CELSR1: variants seen among roughly 807,000 people sequenced by gnomAD.
CELSR1 encodes adhesion G protein-coupled receptor C1.
A neutral mutation model predicts 249.1 loss-of-function variants in CELSR1; 110 were observed. That is an observed-to-expected ratio of 0.44 (90% CI 0.38 to 0.52). CELSR1 has a LOEUF of 0.52. Ranked by LOEUF, CELSR1 falls within the 20% of genes least tolerant of loss-of-function variation. The probability of loss-of-function intolerance (pLI) is 0.00; values close to 1 mark genes in which losing one functional copy is unlikely to be tolerated. For missense variants in CELSR1, 4,109 were observed against 4,296.4 expected, an observed-to-expected ratio of 0.96 and a Z score of 1.22; for synonymous variants, 2,113 against 1,900.0, an observed-to-expected ratio of 1.11 and a Z score of -2.92.
chr22:46,383,061 G>A (rs73462581), intron 20 of CELSR1, among the ~76,000 whole-genome samples: 6,602 of 152,230 alleles, frequency 0.043, 486 homozygotes, highest in African/African-American at 0.15. Flanking sequence ...GGAGGTGTCT[G>A]GGTCATGGGT....
Position 46,369,698 on chromosome 22 carries a change from A to G in CELSR1, c.7866T>C (p.Val2622=). The change falls in exon 26 of 35, where the codon GTT becomes GTC. Residue 2622 remains valine (V), a synonymous_variant. Transcript: ENST00000674500. ...IWSFAGPIGA[V]IIINTVTSVL... ...GTGAAGGCCCCACACTCACGATTAT[A>G]ACAGCTCCGATGGGCCCCGCAAAGC... 6 of 1,613,348 alleles carry G rather than the reference A, an allele frequency of 3.7e-6. No homozygotes were observed. The highest frequency in any genetic ancestry group is 4.2e-6 in the Non-Finnish European group (5 of 1,179,864).
intron 24 of CELSR1, 27 bp from the exon 25 acceptor site, chr22:46,373,084 G>T: frequency 6.4e-7 from 1 of 1,557,526 alleles, no homozygotes. Context: ...CGCTCAGCAA[G>T]GGCCCCTGCA....
chr22:46,396,685 G>T lies in CELSR1; in HGVS notation c.5763C>A (p.Ala1921=). Residue 1921 remains alanine (A), a synonymous_variant, in exon 13 of 35, where the codon GCC becomes GCA. Transcript: ENST00000674500. The surrounding 1 kb of genome is among the most constrained non-coding windows in gnomAD (Gnocchi z 6.4). ...GCGGGGAGCCGGGGGAGCGCACGCA[G>T]GCCCCCATGTTCTCGCAGGGGTTCA... ...CHLNPCENMG[A]CVRSPGSPQG... The T allele has an allele frequency of 6.2e-7, 1 of 1,613,166 alleles. No individual in the cohort carries two copies. Among genetic ancestry groups the T allele is most frequent in the East Asian group, 2.2e-5 (1 of 44,830 alleles).
chr22:46,485,931 T>A, intron 1 of CELSR1, among the ~76,000 whole-genome samples: 1 of 8,492 alleles, frequency 1.2e-4, no homozygotes, highest in Non-Finnish European at 3.3e-4. Flanking sequence ...TTCAGGTACT[T>A]TTTTTTTTTT....
At chr22:46,477,803 G>A (rs2080224857) in intron 1 of CELSR1, among the ~76,000 whole-genome samples, 1 of 152,156 alleles carries the variant, frequency 6.6e-6, no homozygotes, top group Non-Finnish European at 1.5e-5. Context: ...ACGGCACCTG[G>A]CCAATGCTGT....
intron 14 of CELSR1, among the ~76,000 whole-genome samples, chr22:46,392,071 C>A (rs955765063): frequency 6.6e-6 from 1 of 152,258 alleles, no homozygotes; most frequent in Non-Finnish European, 1.5e-5. Flanking sequence ...CAAGTCTCAA[C>A]AGTGGGCACC....
At position 46,380,860 on chromosome 22, in the gene CELSR1, A is replaced by C; in HGVS notation, c.7184T>G (p.Leu2395Arg). Residue 2395 changes from leucine to arginine, a missense_variant, in exon 22 of 35, where the codon CTG becomes CGG. Physicochemically the swap from Leu to Arg is moderately radical, Grantham distance 102. Transcript: ENST00000674500. This position sits in a 1 kb window ranked among gnomAD's most constrained non-coding sequence, Gnocchi z 5.1. ...PLPRPLERPV[L>R]VEFALLEVEE... The stretch of plus-strand genomic sequence containing the variant: ...CACCTCCAGCAGGGCGAACTCCACC[A>C]GGACGGGCCTCTCCAGGGGTCTCGG... 1 of 1,612,790 alleles carries C rather than the reference A, an allele frequency of 6.2e-7. No homozygotes were observed. The highest frequency in any genetic ancestry group is 8.5e-7 in the Non-Finnish European group (1 of 1,179,884).
rs983425119 is a variant in CELSR1, at chr22:46,471,568, T to C, written c.3545-7223A>G. On this transcript the variant is annotated intron_variant, in intron 1 of 34. Transcript: ENST00000674500. The surrounding 1 kb of genome is among the most constrained non-coding windows in gnomAD (Gnocchi z 4.9). The stretch of plus-strand genomic sequence containing the variant: ...CCATGCCTGGCTGGGTTTTCTGTTC[T>C]TGTTTTTTGTAGAGGTGAGGCCGTG... Among the ~76,000 whole-genome samples the C allele has an allele frequency of 3.3e-5, 5 of 152,116 alleles. No individual in the cohort carries two copies. The highest frequency in any genetic ancestry group is 6.6e-5 in the Admixed American group (1 of 15,254).
rs1239523393 is a variant in CELSR1 at position 46,439,193 on chromosome 22, G to C, written c.4402C>G (p.Leu1468Val). The change falls in exon 3 of 35, where the codon CTC becomes GTC. Residue 1468 changes from leucine to valine, a missense_variant. This residue lies in a region of CELSR1 where 453 missense variants were observed against 492.0 expected (regional missense o/e 0.92). Transcript: ENST00000674500. The part of the protein sequence containing the change: ...LRQRFHFTIS[L>V]TFATQERNGL... ...CGCGGCGGGACGCACACTCACGTGA[G>C]GGAGATGGTGAAGTGGAAGCGCTGT... The C allele has an allele frequency of 1.2e-6, 2 of 1,612,884 alleles. No homozygotes were observed. The highest frequency in any genetic ancestry group is 1.7e-6 in the Non-Finnish European group (2 of 1,179,136).
At position 46,517,508 on chromosome 22, in the gene CELSR1, G is replaced by A. The variant is rs1049174612; in HGVS notation, c.3544+16119C>T. Among the ~76,000 whole-genome samples, 5 of 152,108 alleles carry A rather than the reference G, an allele frequency of 3.3e-5. No homozygotes were observed. Among genetic ancestry groups the A allele is most frequent in the African/African-American group, 9.7e-5 (4 of 41,422 alleles). On this transcript the variant is annotated intron_variant, in intron 1 of 34. Coordinates refer to ENST00000674500, the MANE Select transcript of CELSR1 (RefSeq NM_001378328.1). The surrounding 1 kb of genome is among the most constrained non-coding windows in gnomAD (Gnocchi z 5.4). The stretch of plus-strand genomic sequence containing the variant: ...CACAATGGCTGATGTGCACTGTCCC[G>A]GCGCCCCAGGCCGGCTCTTGTCTTG...
In CELSR1 at chr22:46,389,589, G is replaced by A. The variant is rs1040810267; in HGVS notation, c.6346-90C>T. On this transcript the variant is annotated intron_variant, in intron 17 of 34. Transcript: ENST00000674500. ...ACTCAGCAACTCACTACTGTCTGGT[G>A]CAAGTTTCCTTGTCAGAAAGGAACT... is the stretch of plus-strand genomic sequence containing the variant. 26 of 1,326,832 alleles carry A rather than the reference G, an allele frequency of 2.0e-5. No homozygotes were observed. The African/African-American group carries it at 3.8e-4, about 19-fold the overall frequency. 82.2% of individuals were successfully genotyped at this position (1,326,832 alleles called of 1,614,324 possible).
intron 1 of CELSR1, among the ~76,000 whole-genome samples, chr22:46,499,671 C>G (rs1192215723): frequency 6.6e-6 from 1 of 152,162 alleles, no homozygotes; most frequent in African/African-American, 2.4e-5. Flanking sequence ...CCCCATCTGT[C>G]CCTACCACAG....
chr22:46,384,834 G>A lies in CELSR1; in HGVS notation c.6740-148C>T, dbSNP rs1016262466. 3 of 844,896 alleles carry A rather than the reference G, an allele frequency of 3.6e-6. No individual in the cohort carries two copies. In the African/African-American group the frequency reaches 5.3e-5, roughly 15 times the overall value. The allele number at this position is 844,896 out of a possible 1,614,324, so 52.3% of individuals were successfully genotyped here. On this transcript the variant is annotated intron_variant, in intron 19 of 34. Transcript: ENST00000674500. ...AGGTGGAGTCTCGCAGTGTCTCCCA[G>A]GCTGGAGTGCAGTAGCGCAATCTCA...
At chr22:46,486,872 A>C (rs150254239) in intron 1 of CELSR1, among the ~76,000 whole-genome samples, 1 of 152,116 alleles carries the variant, frequency 6.6e-6, no homozygotes. Context: ...AAAGTCATGC[A>C]TCAGGACACG....
intron 1 of CELSR1, among the ~76,000 whole-genome samples, chr22:46,476,783 C>G (rs1005105069): frequency 1.3e-5 from 2 of 151,838 alleles, no homozygotes; most frequent in Non-Finnish European, 2.9e-5. Context: ...CAAGAGGGAC[C>G]AGAAGTGATT....
At position 46,399,770 on chromosome 22, in the gene CELSR1, C is replaced by T. The variant is rs1230151126; in HGVS notation, c.5359G>A (p.Asp1787Asn). The change falls in exon 10 of 35, where the codon GAC (aspartate) becomes AAC (asparagine). Residue 1787 changes from aspartate to asparagine, a missense_variant. Asp to Asn is a conservative substitution (Grantham distance 23, BLOSUM62 1). Transcript: ENST00000674500. The surrounding 1 kb of genome is among the most constrained non-coding windows in gnomAD (Gnocchi z 5.0). ...LLIELKNVKE[D>N]SEMKHLVTMT... ...GTGACCAGGTGCTTCATCTCACTGT[C>T]CTCCTTAACATTCTTCAGCTCGATC... 1.2e-6 allele frequency: 2 copies of T among 1,614,082 alleles called. No individual in the cohort carries two copies. Among genetic ancestry groups the T allele is most frequent in the Admixed American group, 3.3e-5 (2 of 60,014 alleles).
rs5767220 is a variant in CELSR1, at chr22:46,490,539, C to A, written c.3545-26194G>T. Among the ~76,000 whole-genome samples the A allele has an allele frequency of 0.55, 84,129 of 151,702 alleles. 24,431 individuals carry two copies. Among genetic ancestry groups the A allele is most frequent in the African/African-American group, 0.73 (30,298 of 41,354 alleles). ...TGACCGCAGGCGAGCCGCCCCCCTC[C>A]GCCTCCCAAAATGTTGAGATCAGCC... is the stretch of plus-strand genomic sequence containing the variant. On this transcript the variant is annotated intron_variant, in intron 1 of 34. Coordinates refer to ENST00000674500, the MANE Select transcript of CELSR1 (RefSeq NM_001378328.1). This position sits in a 1 kb window ranked among gnomAD's most constrained non-coding sequence, Gnocchi z 5.2.
chr22:46,511,078 C>T (rs993201140), intron 1 of CELSR1, among the ~76,000 whole-genome samples: 2 of 152,020 alleles, frequency 1.3e-5, no homozygotes, highest in African/African-American at 4.8e-5. Flanking sequence ...CGTGTCATCG[C>T]ACTCCAGCCT....
Position 46,423,194 on chromosome 22 carries a change from T to A in CELSR1, c.4611+10199A>T, listed in dbSNP as rs1459562524. On this transcript the variant is annotated intron_variant, in intron 5 of 34. Transcript: ENST00000674500. This position sits in a 1 kb window ranked among gnomAD's most constrained non-coding sequence, Gnocchi z 5.6. ...CTGCTGGAAGATGAGAGGCCCCAGC[T>A]GCCATGGCTAACGGCCAGGTCATAT... is the stretch of plus-strand genomic sequence containing the variant. Among the ~76,000 whole-genome samples the A allele has an allele frequency of 6.6e-6, 1 of 152,240 alleles. No homozygotes were observed. Among genetic ancestry groups the A allele is most frequent in the Admixed American group, 6.5e-5 (1 of 15,292 alleles).
Sources: allele counts gnomAD v4.1 joint callset (sites outside exome capture counted in the v4.1 genomes callset), GRCh38; gene constraint gnomAD v4.1.1; regional missense constraint gnomAD v4.1.1; non-coding constraint Gnocchi (gnomAD v3.1); transcripts MANE v1.5; gene names NCBI Gene and HGNC (gene_info 2026-07-23, HGNC 2026-07-21).